Variants in SEMA7A observed in about 807,000 individuals in gnomAD.
SEMA7A encodes the protein semaphorin 7A (JohnMiltonHagen blood group), also known as semaphorin-7A.
Under a neutral mutation model 67.5 loss-of-function variants are expected in SEMA7A, and 21 were observed. The ratio of observed to expected loss-of-function variants is 0.31; its 90% CI spans 0.22 to 0.45. The LOEUF (loss-of-function observed/expected upper bound fraction) is 0.45. SEMA7A is among the 20% of genes least tolerant of loss of function. The probability of loss-of-function intolerance (pLI) is 1.00; values close to 1 mark genes in which losing one functional copy is unlikely to be tolerated. For synonymous variants in SEMA7A, 364 were observed against 368.5 expected (o/e 0.99, Z 0.14); for missense variants, 774 against 908.6 (o/e 0.85, Z 1.90).
At position 74,417,632 on chromosome 15, in the gene SEMA7A, G is replaced by C. The variant is rs1470463392; in HGVS notation, c.509C>G (p.Ala170Gly). ...VVPLGEMRGY[A>G]PFSPDENSLV... ...GGAGTTCTCGTCCGGGCTGAAGGGG[G>C]CGTAGCCTCTCATCTCGCCAAGTGG... is the stretch of plus-strand genomic sequence containing the variant. Residue 170 changes from alanine to glycine, a missense_variant, in exon 5 of 14, where the codon GCC becomes GGC. Around this residue, in one of 2 missense-constraint regions of SEMA7A, gnomAD observed 347 missense variants for 353.2 expected, o/e 0.98. Coordinates refer to ENST00000261918, the MANE Select transcript of SEMA7A (RefSeq NM_003612.5). The C allele has an allele frequency of 6.2e-7, 1 of 1,612,792 alleles. No individual in the cohort carries two copies. The highest frequency in any genetic ancestry group is 8.5e-7 in the Non-Finnish European group (1 of 1,179,930).
chr15:74,412,048 T>A (rs1163737689), intron 10 of SEMA7A, 36 bp from the exon 11 acceptor site: 2 of 1,609,192 alleles, frequency 1.2e-6, no homozygotes. Context: ...TGGGCGGGAG[T>A]CCCACTGAGG....
intron 6 of SEMA7A, 137 bp downstream of exon 6, chr15:74,417,198 C>A: frequency 1.4e-6 from 1 of 712,232 alleles, no homozygotes; most frequent in Non-Finnish European, 2.5e-6. Context: ...ACTTCTCAGG[C>A]CTATACCAAG....
chr15:74,421,126 A>G (rs2060996983), intron 1 of SEMA7A, among the ~76,000 whole-genome samples: 1 of 152,196 alleles, frequency 6.6e-6, no homozygotes, highest in Admixed American at 6.5e-5. Context: ...AGAAGAGGAA[A>G]ACAGTCCTGC....
intron 10 of SEMA7A, among the ~76,000 whole-genome samples, chr15:74,412,757 T>C (rs2060912363): frequency 6.6e-6 from 1 of 152,186 alleles, no homozygotes; most frequent in Non-Finnish European, 1.5e-5. Flanking sequence ...CACTAGTTTT[T>C]CCACAAATGT....
rs764552085 is a variant in SEMA7A, at chr15:74,416,560, C to T, written c.801+15G>A. 4 of 1,612,668 alleles carry T rather than the reference C, an allele frequency of 2.5e-6. No homozygotes were observed. The African/African-American group carries it at 5.3e-5, about 22-fold the overall frequency. On this transcript the variant is annotated intron_variant, in intron 7 of 13. Transcript: ENST00000261918. ...GCACAGACACGTAGCCAGCAGCCCT[C>T]ACGCCCCTGCTCACCCTGCACAACT...
At chr15:74,428,389 T>C (rs1233580238) in intron 1 of SEMA7A, among the ~76,000 whole-genome samples, 1 of 152,114 alleles carries the variant, frequency 6.6e-6, no homozygotes, top group Non-Finnish European at 1.5e-5. Flanking sequence ...CAGCTCTGCC[T>C]CTTTGGGTGA....
At chr15:74,430,558 C>G (rs1010969229) in intron 1 of SEMA7A, among the ~76,000 whole-genome samples, 4 of 152,214 alleles carry the variant, frequency 2.6e-5, no homozygotes, top group African/African-American at 7.2e-5. Flanking sequence ...CCTGTGCCAG[C>G]GTCCATTCCA....
chr15:74,427,341 C>T, intron 1 of SEMA7A: 1 of 985,426 alleles, frequency 1.0e-6, no homozygotes. Flanking sequence ...ACTCCCATGC[C>T]AGAGGGACAG....
chr15:74,411,866 G>C lies in SEMA7A; in HGVS notation c.1422+19C>G. On this transcript the variant is annotated intron_variant, in intron 11 of 13. Transcript: ENST00000261918. The surrounding 1 kb of genome is among the most constrained non-coding windows in gnomAD (Gnocchi z 4.4). ...GCAGTCACTGCATAGCCCATGGGAC[G>C]CAGTGGGGGAAGGCTCACCCGCTCA... is the stretch of plus-strand genomic sequence containing the variant. The C allele has an allele frequency of 1.2e-6, 2 of 1,613,204 alleles. No individual in the cohort carries two copies.
rs28362912 is a variant in SEMA7A at position 74,418,252 on chromosome 15, C to T, written c.372+16G>A. The T allele has an allele frequency of 0.91, 1,470,691 of 1,612,026 alleles. 677,945 individuals carry two copies. The highest frequency in any genetic ancestry group is 0.99 in the African/African-American group (73,736 of 74,846). Reference sequence around the variant, plus strand: ...CCAAGTGGCTCAGACCCCTCCATACCCCCTCCCCCACTCACCCGCTTATCC... The same window carrying T: ...CCAAGTGGCTCAGACCCCTCCATACTCCCTCCCCCACTCACCCGCTTATCC... On this transcript the variant is annotated intron_variant, in intron 3 of 13. Transcript: ENST00000261918.
At chr15:74,416,455 A>G in intron 7 of SEMA7A, 120 bp downstream of exon 7, 1 of 1,088,378 alleles carries the variant, frequency 9.2e-7, no homozygotes, top group Non-Finnish European at 1.3e-6. Flanking sequence ...ACAGTCCCTG[A>G]CACAGACCCA....
intron 1 of SEMA7A, among the ~76,000 whole-genome samples, chr15:74,422,312 C>T (rs1443440951): frequency 6.6e-6 from 1 of 151,894 alleles, no homozygotes; most frequent in Non-Finnish European, 1.5e-5. Flanking sequence ...CGTCTGGCAC[C>T]GTGTCCCCCC....
intron 1 of SEMA7A, among the ~76,000 whole-genome samples, chr15:74,421,012 G>A (rs11854025): frequency 0.33 from 49,486 of 152,228 alleles, 11,096 homozygotes; most frequent in African/African-American, 0.59. Flanking sequence ...CCAGGTCTCC[G>A]AGGGGGCCGG....
intron 1 of SEMA7A, among the ~76,000 whole-genome samples, chr15:74,427,877 G>A (rs1041796764): frequency 6.6e-6 from 1 of 152,216 alleles, no homozygotes; most frequent in African/African-American, 2.4e-5. Context: ...GGCTCCCCAA[G>A]GGCAAACCCA....
Position 74,418,112 on chromosome 15 carries a change from T to C in SEMA7A, c.373-143A>G, listed in dbSNP as rs2060968202. On this transcript the variant is annotated intron_variant, in intron 3 of 13. Transcript: ENST00000261918. Reference sequence around the variant, plus strand: ...CAGCCTCCCGGGACAGCCCAGAGTGTGTGCAGCTGACGCCATCCCCTAAGC... The same window carrying C: ...CAGCCTCCCGGGACAGCCCAGAGTGCGTGCAGCTGACGCCATCCCCTAAGC... 5 of 1,150,256 alleles carry C rather than the reference T, an allele frequency of 4.3e-6. No homozygotes were observed. The African/African-American group carries it at 4.6e-5, about 11-fold the overall frequency. 71.3% of individuals were successfully genotyped at this position (1,150,256 alleles called of 1,614,324 possible). A position where few individuals can be genotyped will look rare whatever the true frequency, so the allele number is the denominator to read the frequency against.
At position 74,418,668 on chromosome 15, in the gene SEMA7A, C is replaced by T. The variant is rs562432763; in HGVS notation, c.330+133G>A. 4.1e-6 allele frequency: 4 copies of T among 979,616 alleles called. No individual in the cohort carries two copies. In the Admixed American group the frequency reaches 7.0e-5, roughly 17 times the overall value. The allele number at this position is 979,616 out of a possible 1,614,324, so 60.7% of individuals were successfully genotyped here. On this transcript the variant is annotated intron_variant, in intron 2 of 13. Coordinates refer to ENST00000261918, the MANE Select transcript of SEMA7A (RefSeq NM_003612.5). The stretch of plus-strand genomic sequence containing the variant: ...ACCTTTAGGGAGCCTCCCCCAGGAG[C>T]CATTTATAGGATACGGAGGTGGGGG...
chr15:74,432,002 G>A (rs1183008434), intron 1 of SEMA7A, among the ~76,000 whole-genome samples: 1 of 145,700 alleles, frequency 6.9e-6, no homozygotes, highest in Non-Finnish European at 1.5e-5. Flanking sequence ...TAAGAGGACT[G>A]AAAGCAACTT....
At position 74,433,623 on chromosome 15, in the gene SEMA7A, G is replaced by T. The variant is rs918846816; in HGVS notation, c.178+118C>A. 4 of 1,281,420 alleles carry T rather than the reference G, an allele frequency of 3.1e-6. No homozygotes were observed. The African/African-American group carries it at 4.7e-5, about 15-fold the overall frequency. The allele number at this position is 1,281,420 out of a possible 1,614,324, so 79.4% of individuals were successfully genotyped here. On this transcript the variant is annotated intron_variant, in intron 1 of 13. Transcript: ENST00000261918. ...ACACGCTCCACGCGGGGACAGCGCG[G>T]GGACAGCCCGGGACCCGCAGAGCTG...
At chr15:74,419,288 C>T (rs1418682244) in intron 1 of SEMA7A, among the ~76,000 whole-genome samples, 1 of 152,190 alleles carries the variant, frequency 6.6e-6, no homozygotes, top group Admixed American at 6.5e-5. Context: ...CTCTGGCACA[C>T]ACTTTTGAGG....
Sources: allele counts gnomAD v4.1 joint callset (sites outside exome capture counted in the v4.1 genomes callset), GRCh38; gene constraint gnomAD v4.1.1; regional missense constraint gnomAD v4.1.1; non-coding constraint Gnocchi (gnomAD v3.1); transcripts MANE v1.5; gene names NCBI Gene and HGNC (gene_info 2026-07-23, HGNC 2026-07-21).